The following MTUS1 variants were observed in gnomAD, a reference collection of about 807,000 sequenced individuals.
MTUS1 encodes the protein microtubule associated scaffold protein 1.
MTUS1 carries 109 observed loss-of-function variants against 120.8 expected under a neutral mutation model. The ratio of observed to expected loss-of-function variants is 0.90; its 90% CI spans 0.77 to 1.06. The LOEUF is 1.06. Among genes scored for constraint, MTUS1 ranks in the 50% least tolerant of loss-of-function variants. The pLI, the probability that MTUS1 is intolerant of heterozygous loss-of-function variation, is 0.00. For missense variants in MTUS1, 2,210 were observed against 1,486.3 expected (o/e 1.49, Z -8.01); for synonymous variants, 737 against 550.5 (o/e 1.34, Z -4.74).
chr8:17,768,994 T>A (rs1453555177), intron 1 of MTUS1, among the ~76,000 whole-genome samples: 1 of 152,156 alleles, frequency 6.6e-6, no homozygotes, highest in Non-Finnish European at 1.5e-5. Context: ...ACTTACTCAG[T>A]CAATAGCACA....
In MTUS1 at chr8:17,753,774, T is replaced by A; in HGVS notation, c.2034A>T (p.Lys678Asn). ...GEKENGTSME[K>N]QELKQEIMNE... ...TCATAATCTCTTGTTTCAGCTCTTG[T>A]TTTTCCATAGATGTCCCATTTTCTT... Residue 678 changes from lysine (K) to asparagine (N), a missense_variant, in exon 2 of 15, where the codon AAA (lysine) becomes AAT (asparagine). Coordinates refer to ENST00000693296, the MANE Select transcript of MTUS1 (RefSeq NM_001363059.2). 1 of 1,613,112 alleles carries A rather than the reference T, an allele frequency of 6.2e-7. No individual in the cohort carries two copies. Among genetic ancestry groups the A allele is most frequent in the South Asian group, 1.1e-5 (1 of 90,544 alleles).
intron 6 of MTUS1, among the ~76,000 whole-genome samples, chr8:17,709,585 A>G (rs371192271): frequency 1.6e-4 from 25 of 152,292 alleles, no homozygotes; most frequent in African/African-American, 5.5e-4. Flanking sequence ...TGGGAGATAT[A>G]TATCACCCCA....
At chr8:17,676,531 T>C (rs978530660) in intron 7 of MTUS1, 3 of 582,656 alleles carry the variant, frequency 5.1e-6, no homozygotes, top group African/African-American at 1.9e-5. Flanking sequence ...ATACTGCAGC[T>C]TCTGCCTTTG....
chr8:17,683,130 G>T (rs950392603), intron 7 of MTUS1, among the ~76,000 whole-genome samples: 13 of 152,128 alleles, frequency 8.5e-5, no homozygotes, highest in Admixed American at 7.9e-4. Flanking sequence ...AAACTAGCCG[G>T]GCGTGGTGGC....
intron 1 of MTUS1, among the ~76,000 whole-genome samples, chr8:17,760,561 T>G (rs1467606463): frequency 6.6e-6 from 1 of 152,274 alleles, no homozygotes; most frequent in Non-Finnish European, 1.5e-5. Context: ...TCAAAAGAGT[T>G]AAAAGTTGGC....
intron 1 of MTUS1, among the ~76,000 whole-genome samples, chr8:17,781,611 A>G (rs1192695466): frequency 6.6e-6 from 1 of 152,160 alleles, no homozygotes; most frequent in Non-Finnish European, 1.5e-5. Flanking sequence ...TTCATTTCTA[A>G]AATTTTTTAA....
Position 17,795,397 on chromosome 8 carries a change from A to C in MTUS1, c.-155+5664T>G, listed in dbSNP as rs2052142959. On this transcript the variant is annotated intron_variant, in intron 1 of 14. Transcript: ENST00000693296. ...AAATACTAATTTTCTTTTCTTCTGC[A>C]TCATGCTTAAGACACAATTTACTTA... Among the ~76,000 whole-genome samples, 8 of 152,320 alleles carry C rather than the reference A, an allele frequency of 5.3e-5. 2 individuals are homozygous for C. In the South Asian group the frequency reaches 1.7e-3, roughly 32 times the overall value.
intron 4 of MTUS1, 130 bp from the exon 5 acceptor site, chr8:17,716,031 A>T: frequency 1.3e-6 from 1 of 777,246 alleles, no homozygotes; most frequent in African/African-American, 1.7e-5. Flanking sequence ...ATTACTGAAC[A>T]TTGGGAATAC....
chr8:17,657,911 ATG>A (rs1202286760), intron 8 of MTUS1, among the ~76,000 whole-genome samples: 1 of 151,518 alleles, frequency 6.6e-6, no homozygotes, highest in African/African-American at 2.4e-5. Flanking sequence ...GCATGCATAT[ATG>A]TATATATCTA....
chr8:17,657,776 G>C (rs1325762430), intron 8 of MTUS1, among the ~76,000 whole-genome samples: 1 of 140,214 alleles, frequency 7.1e-6, no homozygotes, highest in African/African-American at 2.6e-5. Context: ...GCAACTGTTG[G>C]GCAACAGAGC....
chr8:17,695,881 G>C (rs992941806), intron 6 of MTUS1, among the ~76,000 whole-genome samples: 1 of 152,110 alleles, frequency 6.6e-6, no homozygotes, highest in Non-Finnish European at 1.5e-5. Context: ...AGCTGAGAGC[G>C]GCTGTCTCCA....
At chr8:17,769,757 T>G (rs1308847438) in intron 1 of MTUS1, among the ~76,000 whole-genome samples, 2 of 152,006 alleles carry the variant, frequency 1.3e-5, no homozygotes, top group Non-Finnish European at 2.9e-5. Context: ...TTTCCCTCAA[T>G]CCTCATCTCT....
chr8:17,759,256 T>C (rs886854055), intron 1 of MTUS1, among the ~76,000 whole-genome samples: 8 of 151,770 alleles, frequency 5.3e-5, no homozygotes, highest in African/African-American at 9.7e-5. Flanking sequence ...TTTTACCAGT[T>C]GTCTTTTTTT....
At position 17,762,641 on chromosome 8, in the gene MTUS1, G is replaced by C. The variant is rs184162017; in HGVS notation, c.-154-6680C>G. On this transcript the variant is annotated intron_variant, in intron 1 of 14. Coordinates refer to ENST00000693296, the MANE Select transcript of MTUS1 (RefSeq NM_001363059.2). Reference sequence around the variant, plus strand: ...AGCAGGAAACTAGAGTTGATTTAATGCATTTCAAAATGGTGGACGGCTATG... The same window carrying C: ...AGCAGGAAACTAGAGTTGATTTAATCCATTTCAAAATGGTGGACGGCTATG... Among the ~76,000 whole-genome samples the C allele has an allele frequency of 3.3e-4, 51 of 152,318 alleles. 1 individual carries two copies. Among genetic ancestry groups the C allele is most frequent in the Admixed American group, 2.3e-3 (35 of 15,300 alleles).
At chr8:17,720,578 GT>G (rs1352715283) in intron 4 of MTUS1, among the ~76,000 whole-genome samples, 1 of 152,046 alleles carries the variant, frequency 6.6e-6, no homozygotes, top group East Asian at 1.9e-4. Context: ...TATAAACATG[GT>G]TTTGTGGCCA....
At position 17,777,452 on chromosome 8, in the gene MTUS1, G is replaced by GAA. The variant is rs796475013; in HGVS notation, c.-154-21493_-154-21492dup. ...AGACACTGTCTCAAAAAAAGAAAAA[G>GAA]AAAAAAAAAAAAAAAGATGTCAGGC... On this transcript the variant is annotated intron_variant, in intron 1 of 14. Coordinates refer to ENST00000693296, the MANE Select transcript of MTUS1 (RefSeq NM_001363059.2). 1.8e-3 allele frequency among the ~76,000 whole-genome samples: 189 copies of GAA among 107,238 alleles called. 1 individual carries two copies. The highest frequency in any genetic ancestry group is 5.2e-3 in the African/African-American group (174 of 33,742). 70.4% of individuals were successfully genotyped at this position (107,238 alleles called of 152,430 possible).
rs976266041 is a variant in MTUS1 at position 17,645,054 on chromosome 8, CACAGTT to C, written c.*866_*871del. ...TGGTACTTCCCTTTTTCTTTCTTTA[CACAGTT>C]AGTTAGTTAGTTTGTTTTTTTATAG... is the stretch of plus-strand genomic sequence containing the variant. On this transcript the variant is annotated 3_prime_UTR_variant, in exon 15 of 15. Coordinates refer to ENST00000693296, the MANE Select transcript of MTUS1 (RefSeq NM_001363059.2). 8 of 32,520 alleles carry C rather than the reference CACAGTT, an allele frequency of 2.5e-4. No individual in the cohort carries two copies. Among genetic ancestry groups the C allele is most frequent in the Non-Finnish European group, 4.2e-4 (5 of 11,900 alleles). 2.0% of individuals were successfully genotyped at this position (32,520 alleles called of 1,614,324 possible). A position where few individuals can be genotyped will look rare whatever the true frequency, so the allele number is the denominator to read the frequency against.
At chr8:17,652,125 C>G (rs2285299) in intron 12 of MTUS1, among the ~76,000 whole-genome samples, 9,158 of 152,114 alleles carry the variant, frequency 0.06, 470 homozygotes, top group East Asian at 0.25. Context: ...AGAGTATAAA[C>G]ATGAAATGAA....
At chr8:17,785,959 C>G (rs140603228) in intron 1 of MTUS1, among the ~76,000 whole-genome samples, 1 of 152,104 alleles carries the variant, frequency 6.6e-6, no homozygotes, top group Admixed American at 6.5e-5. Context: ...CCGGGCGACA[C>G]AGTGAGACTC....
Sources: gnomAD v4.1 joint callset for allele counts (sites outside exome capture counted in the v4.1 genomes callset) on GRCh38, gnomAD v4.1.1 for gene constraint, MANE v1.5 for transcripts, NCBI Gene and HGNC (gene_info 2026-07-23, HGNC 2026-07-21) for gene names.